The following SPTLC3 variants were observed in gnomAD, a reference collection of about 807,000 sequenced individuals.
SPTLC3 encodes the protein serine palmitoyltransferase 3.
SPTLC3 carries 36 observed loss-of-function variants against 59.3 expected under a neutral mutation model. The observed-to-expected ratio is 0.61, with a 90% CI of 0.47 to 0.80. The LOEUF is 0.80. SPTLC3 is among the 30% of genes least tolerant of loss of function. The probability of loss-of-function intolerance (pLI) is 0.00; values close to 1 mark genes in which losing one functional copy is unlikely to be tolerated. For missense variants in SPTLC3, 625 were observed against 685.1 expected, an observed-to-expected ratio of 0.91 and a Z score of 0.98; for synonymous variants, 257 against 240.8, an observed-to-expected ratio of 1.07 and a Z score of -0.62.
rs1009536920 is a variant in SPTLC3 at position 13,091,149 on chromosome 20, T to C, written c.674T>C (p.Met225Thr). Residue 225 changes from methionine (M) to threonine (T), a missense_variant, in exon 5 of 12, where the codon ATG becomes ACG. By Grantham distance (81) the Met-to-Thr change is moderately conservative (BLOSUM62 -1). Coordinates refer to ENST00000399002, the MANE Select transcript of SPTLC3 (RefSeq NM_018327.4). ...VAKFLNVEAA[M>T]VFGMGFATNS... ...AAGTTCCTGAATGTGGAAGCAGCTA[T>C]GGTCTTTGGGATGGGATTCGCAACT... is the stretch of plus-strand genomic sequence containing the variant. 2.2e-5 allele frequency: 36 copies of C among 1,613,900 alleles called. No homozygotes were observed. Among genetic ancestry groups the C allele is most frequent in the Non-Finnish European group, 3.0e-5 (35 of 1,179,936 alleles).
chr20:13,103,715 G>C (rs576888475), intron 6 of SPTLC3, among the ~76,000 whole-genome samples: 1 of 152,294 alleles, frequency 6.6e-6, no homozygotes, highest in African/African-American at 2.4e-5. Context: ...GAGGGAGCAG[G>C]GGCACTGAGA....
chr20:13,074,608 A>T, intron 4 of SPTLC3, 111 bp downstream of exon 4: 4 of 1,240,790 alleles, frequency 3.2e-6, no homozygotes, highest in Non-Finnish European at 4.3e-6. Flanking sequence ...AGGTGTTATA[A>T]ACTGCAGAAA....
chr20:13,047,993 T>C (rs1308814106), intron 1 of SPTLC3, among the ~76,000 whole-genome samples: 1 of 152,150 alleles, frequency 6.6e-6, no homozygotes, highest in Admixed American at 6.6e-5. Context: ...TAAAAATATC[T>C]CTATCTTTCC....
At chr20:13,129,028 C>T (rs2038059498) in intron 9 of SPTLC3, among the ~76,000 whole-genome samples, 1 of 152,040 alleles carries the variant, frequency 6.6e-6, no homozygotes, top group Admixed American at 6.6e-5. Context: ...AGGTGTCCCC[C>T]ACCATGCCTG....
At chr20:13,070,822 T>C (rs1568587642) in intron 2 of SPTLC3, among the ~76,000 whole-genome samples, 1 of 152,060 alleles carries the variant, frequency 6.6e-6, no homozygotes, top group Non-Finnish European at 1.5e-5. Flanking sequence ...CATTATAAGT[T>C]CTGAGCAAAG....
At chr20:13,047,924 G>C (rs1237211737) in intron 1 of SPTLC3, among the ~76,000 whole-genome samples, 5 of 152,078 alleles carry the variant, frequency 3.3e-5, no homozygotes, top group African/African-American at 1.2e-4. Flanking sequence ...CTATTATAAT[G>C]CTTTGCCCCT....
chr20:13,156,673 T>C (rs1011484332), intron 10 of SPTLC3, among the ~76,000 whole-genome samples: 1 of 152,216 alleles, frequency 6.6e-6, no homozygotes, highest in Non-Finnish European at 1.5e-5. Flanking sequence ...ATTAATAGCA[T>C]CAATTAATAA....
At chr20:13,038,813 T>A (rs1230788735) in intron 1 of SPTLC3, among the ~76,000 whole-genome samples, 1 of 152,162 alleles carries the variant, frequency 6.6e-6, no homozygotes, top group Non-Finnish European at 1.5e-5. Flanking sequence ...CTGCTTTAGC[T>A]ATATCTAATA....
intron 1 of SPTLC3, among the ~76,000 whole-genome samples, chr20:13,011,490 T>C (rs1159786586): frequency 6.6e-6 from 1 of 152,192 alleles, no homozygotes; most frequent in African/African-American, 2.4e-5. Context: ...TTTTATACAT[T>C]AGGGGACCCT....
chr20:13,036,570 T>G (rs1167620624), intron 1 of SPTLC3, among the ~76,000 whole-genome samples: 1 of 152,138 alleles, frequency 6.6e-6, no homozygotes. Context: ...TCAGTAAGGC[T>G]TCCCATCAAC....
At chr20:13,030,390 T>A (rs1986379860) in intron 1 of SPTLC3, among the ~76,000 whole-genome samples, 1 of 152,236 alleles carries the variant, frequency 6.6e-6, no homozygotes, top group Non-Finnish European at 1.5e-5. Flanking sequence ...CACAAATCAC[T>A]GTGAACCACT....
At chr20:13,083,994 C>T (rs1017452323) in intron 4 of SPTLC3, among the ~76,000 whole-genome samples, 8 of 152,276 alleles carry the variant, frequency 5.3e-5, no homozygotes, top group Admixed American at 6.5e-5. Context: ...CAACTTGCAA[C>T]GGTCCCCAGG....
At chr20:13,156,190 C>T (rs1458901467) in intron 10 of SPTLC3, among the ~76,000 whole-genome samples, 1 of 152,136 alleles carries the variant, frequency 6.6e-6, no homozygotes, top group Non-Finnish European at 1.5e-5. Flanking sequence ...CAAAAGAAGG[C>T]ACTGAAAATA....
chr20:13,126,563 C>G lies in SPTLC3; in HGVS notation c.1153-28C>G, dbSNP rs752356938. On this transcript the variant is annotated intron_variant, in intron 8 of 11. Transcript: ENST00000399002. ...ACCAGTGTTGAGATTTATTTGCCTT[C>G]TTTTTGGGTTTCCCCTCTTTATTTA... 2.5e-6 allele frequency: 4 copies of G among 1,611,758 alleles called. No individual in the cohort carries two copies. In the African/African-American group the frequency reaches 5.3e-5, roughly 22 times the overall value.
intron 8 of SPTLC3, among the ~76,000 whole-genome samples, chr20:13,122,268 G>C (rs2037883647): frequency 6.6e-6 from 1 of 152,198 alleles, no homozygotes; most frequent in South Asian, 2.1e-4. Context: ...AAACAAGAGA[G>C]ATAGACATGA....
At chr20:13,151,045 T>C (rs1445071857) in intron 9 of SPTLC3, among the ~76,000 whole-genome samples, 4 of 152,224 alleles carry the variant, frequency 2.6e-5, no homozygotes, top group African/African-American at 9.6e-5. Context: ...TTTCTCTCAC[T>C]AGACTATAAG....
chr20:13,014,969 C>T lies in SPTLC3; in HGVS notation c.117+5585C>T, dbSNP rs192272618. ...ACCAGAATGGAAGAAGGTCTGGATG[C>T]GCCAAGAGTGTCTTTTATAACCATT... On this transcript the variant is annotated intron_variant, in intron 1 of 11. Coordinates refer to ENST00000399002, the MANE Select transcript of SPTLC3 (RefSeq NM_018327.4). 4.5e-3 allele frequency among the ~76,000 whole-genome samples: 678 copies of T among 152,090 alleles called. 7 individuals are homozygous for T. The highest frequency in any genetic ancestry group is 0.016 in the African/African-American group (645 of 41,488).
intron 2 of SPTLC3, among the ~76,000 whole-genome samples, chr20:13,065,369 A>ACG: frequency 7.1e-6 from 1 of 140,544 alleles, no homozygotes; most frequent in Non-Finnish European, 1.5e-5. Context: ...TATGCTTTTT[A>ACG]CCTTATATTC....
chr20:13,152,303 G>GTCACCCATATACTATACTAT, intron 9 of SPTLC3, among the ~76,000 whole-genome samples: 1 of 152,266 alleles, frequency 6.6e-6, no homozygotes, highest in African/African-American at 2.4e-5. Context: ...ACATATGGGT[G>GTCACCCATATACTATACTAT]AGCTATAATT....
Sources: gnomAD v4.1 joint callset for allele counts (sites outside exome capture counted in the v4.1 genomes callset) on GRCh38, gnomAD v4.1.1 for gene constraint, MANE v1.5 for transcripts, NCBI Gene and HGNC (gene_info 2026-07-23, HGNC 2026-07-21) for gene names.